ANGPT4: variants seen among roughly 807,000 people sequenced by gnomAD.
ANGPT4 encodes angiopoietin-4.
Under a neutral mutation model 53.0 loss-of-function variants are expected in ANGPT4, and 50 were observed. That is an observed-to-expected ratio of 0.94 (90% CI 0.75 to 1.20). ANGPT4 has a LOEUF of 1.20. Ranked by LOEUF, ANGPT4 falls within the 50% of genes most tolerant of loss-of-function variation. ANGPT4 has a pLI of 0.00. For synonymous variants in ANGPT4, 251 were observed against 259.7 expected (o/e 0.97, Z 0.32); for missense variants, 648 against 637.1 (o/e 1.02, Z -0.18).
At chr20:884,758 A>G (rs1981542574) in intron 4 of ANGPT4, among the ~76,000 whole-genome samples, 1 of 152,130 alleles carries the variant, frequency 6.6e-6, no homozygotes, top group South Asian at 2.1e-4. Context: ...GGGCTGGAGA[A>G]TGAATCCTGG....
intron 1 of ANGPT4, among the ~76,000 whole-genome samples, chr20:899,005 C>T (rs576946242): frequency 1.3e-5 from 2 of 152,318 alleles, no homozygotes; most frequent in African/African-American, 2.4e-5. Context: ...ATCTTCTCTT[C>T]TTAGCTGCTG....
At chr20:896,339 C>T (rs909433072) in intron 1 of ANGPT4, among the ~76,000 whole-genome samples, 2 of 152,058 alleles carry the variant, frequency 1.3e-5, no homozygotes, top group African/African-American at 4.8e-5. Context: ...GAAAATAAGA[C>T]AGGGTAATAT....
At chr20:907,603 C>T (rs1390989886) in intron 1 of ANGPT4, among the ~76,000 whole-genome samples, 1 of 152,170 alleles carries the variant, frequency 6.6e-6, no homozygotes, top group Non-Finnish European at 1.5e-5. Flanking sequence ...ATATGAAGTC[C>T]TTGCAGCCAC....
chr20:908,490 A>G lies in ANGPT4; in HGVS notation c.309+7416T>C, dbSNP rs1982568170. Among the ~76,000 whole-genome samples the G allele has an allele frequency of 6.6e-6, 1 of 151,524 alleles. No homozygotes were observed. The highest frequency in any genetic ancestry group is 2.1e-4 in the South Asian group (1 of 4,772). On this transcript the variant is annotated intron_variant, in intron 1 of 8. Transcript: ENST00000381922. This position sits in a 1 kb window ranked among gnomAD's most constrained non-coding sequence, Gnocchi z 4.9. ...GTGCCTCCCTCCCTCAAGGTCAGGCACCCATTATCCACCCCTAGCATCTCT... is the reference window on the plus strand; with the variant it reads ...GTGCCTCCCTCCCTCAAGGTCAGGCGCCCATTATCCACCCCTAGCATCTCT...
chr20:875,747 T>C (rs1035355611), intron 7 of ANGPT4, among the ~76,000 whole-genome samples: 3 of 152,154 alleles, frequency 2.0e-5, no homozygotes, highest in South Asian at 4.1e-4. Flanking sequence ...CTGGGCCTGG[T>C]TGGAGAGAAT....
intron 2 of ANGPT4, among the ~76,000 whole-genome samples, chr20:889,026 C>A (rs577353326): frequency 6.6e-6 from 1 of 152,314 alleles, no homozygotes; most frequent in African/African-American, 2.4e-5. Context: ...TCCTGATGTT[C>A]TTGAACCTGC....
chr20:904,430 C>T (rs1417917600), intron 1 of ANGPT4, among the ~76,000 whole-genome samples: 1 of 152,232 alleles, frequency 6.6e-6, no homozygotes, highest in Non-Finnish European at 1.5e-5. Flanking sequence ...GCTTGAAATT[C>T]CATCTATGGG....
At position 870,733 on chromosome 20, in the gene ANGPT4, G is replaced by T. The variant is rs375311850; in HGVS notation, c.*2227C>A. 4 of 152,150 alleles carry T rather than the reference G, an allele frequency of 2.6e-5. No individual in the cohort carries two copies. Among genetic ancestry groups the T allele is most frequent in the African/African-American group, 9.7e-5 (4 of 41,412 alleles). The allele number at this position is 152,150 out of a possible 1,614,324, so 9.4% of individuals were successfully genotyped here. A position where few individuals can be genotyped will look rare whatever the true frequency, so the allele number is the denominator to read the frequency against. On this transcript the variant is annotated 3_prime_UTR_variant, in exon 9 of 9. Transcript: ENST00000381922. ...CTACAATAGAAAAATAAATGATGTG[G>T]ATACAAAAATAAAATGCCTTTTCCT...
intron 1 of ANGPT4, among the ~76,000 whole-genome samples, chr20:912,924 T>C (rs955303014): frequency 2.6e-5 from 4 of 152,140 alleles, no homozygotes; most frequent in Admixed American, 2.6e-4. Flanking sequence ...GAATCCAGAT[T>C]GGCTTTCACT....
chr20:908,957 C>A lies in ANGPT4; in HGVS notation c.309+6949G>T, dbSNP rs1051697739. On this transcript the variant is annotated intron_variant, in intron 1 of 8. Coordinates refer to ENST00000381922, the MANE Select transcript of ANGPT4 (RefSeq NM_015985.4). This position sits in a 1 kb window ranked among gnomAD's most constrained non-coding sequence, Gnocchi z 4.9. ...TTCTGGGCCAACTCCTGCCACCGACCCTTGGGTGAATGTGATTGAGTCACT... is the reference window on the plus strand; with the variant it reads ...TTCTGGGCCAACTCCTGCCACCGACACTTGGGTGAATGTGATTGAGTCACT... Among the ~76,000 whole-genome samples the A allele has an allele frequency of 3.3e-5, 5 of 152,042 alleles. No individual in the cohort carries two copies. In the South Asian group the frequency reaches 8.3e-4, roughly 25 times the overall value.
intron 3 of ANGPT4, among the ~76,000 whole-genome samples, chr20:886,941 G>T (rs1179358907): frequency 6.6e-6 from 1 of 152,176 alleles, no homozygotes; most frequent in African/African-American, 2.4e-5. Flanking sequence ...AGGGGCTTTT[G>T]TCTCTTTGTT....
At chr20:909,833 T>C (rs900230040) in intron 1 of ANGPT4, among the ~76,000 whole-genome samples, 2 of 152,122 alleles carry the variant, frequency 1.3e-5, no homozygotes, top group African/African-American at 4.8e-5. Context: ...GAATGGGGTG[T>C]GTAATTGTGG....
intron 1 of ANGPT4, 100 bp from the exon 2 acceptor site, chr20:890,468 G>T (rs569986569): frequency 9.0e-7 from 1 of 1,107,384 alleles, no homozygotes; most frequent in South Asian, 1.6e-5. Flanking sequence ...GCCACTTGAG[G>T]CCTCCCTGGC....
At chr20:904,531 C>A (rs931510765) in intron 1 of ANGPT4, among the ~76,000 whole-genome samples, 4 of 152,240 alleles carry the variant, frequency 2.6e-5, no homozygotes, top group Non-Finnish European at 5.9e-5. Flanking sequence ...TACAAATATC[C>A]TTGTACACCT....
chr20:903,623 A>G (rs1982368230), intron 1 of ANGPT4, among the ~76,000 whole-genome samples: 1 of 152,228 alleles, frequency 6.6e-6, no homozygotes, highest in African/African-American at 2.4e-5. Flanking sequence ...CCTTTAGTGA[A>G]GAACAAAATT....
chr20:888,531 A>G (rs1028806017), intron 2 of ANGPT4, 92 bp from the exon 3 acceptor site: 2 of 1,516,670 alleles, frequency 1.3e-6, no homozygotes, highest in East Asian at 2.4e-5. Flanking sequence ...CTGCCACTCC[A>G]GAAACTTACC....
chr20:878,163 G>T lies in ANGPT4; in HGVS notation c.1218C>A (p.Tyr406Ter), dbSNP rs749403467. ...HFHLGSENQLYRLSVVGYSGS... is the reference protein window; with the variant it reads ...HFHLGSENQL ...AACGGCCTGGGCCCCGAACCCACCTGTATAGCTGGTTCTCACTGCCCAGGT... is the reference window on the plus strand; with the variant it reads ...AACGGCCTGGGCCCCGAACCCACCTTTATAGCTGGTTCTCACTGCCCAGGT... The change falls in exon 7 of 9, where the codon TAC (tyrosine) becomes TAA (stop). Residue 406 changes from tyrosine to a stop codon, truncating the protein, a stop_gained and splice_region_variant. Transcript: ENST00000381922. LOFTEE classifies it high-confidence loss of function. 6.3e-7 allele frequency: 1 copy of T among 1,595,438 alleles called. No homozygotes were observed. Among genetic ancestry groups the T allele is most frequent in the Non-Finnish European group, 8.6e-7 (1 of 1,164,992 alleles).
In ANGPT4 at chr20:888,793, A is replaced by G. The variant is rs183473435; in HGVS notation, c.466-354T>C. 8.0e-4 allele frequency among the ~76,000 whole-genome samples: 122 copies of G among 152,134 alleles called. 4 individuals are homozygous for G. The East Asian group carries it at 0.022, about 28-fold the overall frequency. ...TCTGTGGCCCTCACTCTGGCCCTGG[A>G]CTGCTCCCTCATTGCTTGCAATCTA... is the stretch of plus-strand genomic sequence containing the variant. On this transcript the variant is annotated intron_variant, in intron 2 of 8. Coordinates refer to ENST00000381922, the MANE Select transcript of ANGPT4 (RefSeq NM_015985.4).
At chr20:907,343 T>C (rs976429899) in intron 1 of ANGPT4, among the ~76,000 whole-genome samples, 11 of 152,082 alleles carry the variant, frequency 7.2e-5, no homozygotes, top group African/African-American at 2.4e-4. Flanking sequence ...CGGAAAGGGC[T>C]GCAGAGGGAG....
Sources: gnomAD v4.1 joint callset for allele counts (sites outside exome capture counted in the v4.1 genomes callset) on GRCh38, gnomAD v4.1.1 for gene constraint, Gnocchi (gnomAD v3.1) non-coding constraint, MANE v1.5 for transcripts, NCBI Gene and HGNC (gene_info 2026-07-23, HGNC 2026-07-21) for gene names.